MEGF6: variants seen among roughly 807,000 people sequenced by gnomAD.
MEGF6 encodes multiple EGF like domains 6.
A neutral mutation model predicts 207.1 loss-of-function variants in MEGF6; 184 were observed. The observed-to-expected ratio is 0.89, with a 90% confidence interval of 0.79 to 1.00. The LOEUF (loss-of-function observed/expected upper bound fraction) is 1.00, where lower values mean the gene tolerates loss of function less well. Among genes scored for constraint, MEGF6 ranks in the 50% least tolerant of loss-of-function variants. MEGF6 has a pLI of 0.00. For synonymous variants in MEGF6, 1,038 were observed against 910.0 expected (o/e 1.14, Z -2.53); for missense variants, 2,282 against 2,202.9 (o/e 1.04, Z -0.72).
intron 1 of MEGF6, among the ~76,000 whole-genome samples, chr1:3,603,101 C>T (rs1644186686): frequency 1.3e-5 from 2 of 152,208 alleles, no homozygotes; most frequent in Non-Finnish European, 2.9e-5. Flanking sequence ...TCCTATGACC[C>T]ACACTGGTGA....
intron 21 of MEGF6, among the ~76,000 whole-genome samples, 170 bp from the exon 22 acceptor site, chr1:3,500,094 G>A (rs1640792174): frequency 2.0e-5 from 3 of 152,224 alleles, no homozygotes; most frequent in Admixed American, 1.3e-4. Context: ...CCCCACCCAG[G>A]TGGGGCCATG....
At chr1:3,583,186 G>A (rs997108020) in intron 3 of MEGF6, among the ~76,000 whole-genome samples, 6 of 152,122 alleles carry the variant, frequency 3.9e-5, no homozygotes, top group East Asian at 1.9e-4. Flanking sequence ...GCAAAGCTGC[G>A]CTCCAAACCG....
intron 5 of MEGF6, among the ~76,000 whole-genome samples, chr1:3,517,513 G>A (rs367684645): frequency 6.6e-5 from 10 of 152,348 alleles, no homozygotes; most frequent in Admixed American, 4.6e-4. Context: ...CCTGTGCCAC[G>A]GATTCCCGGA....
At chr1:3,569,390 G>T (rs1233679620) in intron 4 of MEGF6, among the ~76,000 whole-genome samples, 2 of 152,252 alleles carry the variant, frequency 1.3e-5, no homozygotes, top group East Asian at 3.8e-4. Flanking sequence ...CTCAAGAACT[G>T]CCAGGGGCTC....
the MEGF6 span, among the ~76,000 whole-genome samples, chr1:3,617,597 AC>A: frequency 6.6e-6 from 1 of 152,144 alleles, no homozygotes; most frequent in African/African-American, 2.4e-5. Context: ...TGTGTCACAA[AC>A]CTGCACATCC....
intron 2 of MEGF6, among the ~76,000 whole-genome samples, chr1:3,598,249 T>C (rs1345054577): frequency 2.6e-5 from 4 of 152,192 alleles, no homozygotes; most frequent in Non-Finnish European, 5.9e-5. Flanking sequence ...CCGGGGCTGC[T>C]GCATGGGAAG....
Position 3,509,163 on chromosome 1 carries a change from C to A in MEGF6, c.1440G>T (p.Glu480Asp). The change falls in exon 12 of 37, where the codon GAG becomes GAT. Residue 480 changes from glutamate (E) to aspartate (D), a missense_variant. Glu to Asp is a conservative substitution (Grantham distance 45). Transcript: ENST00000356575. ...CGTCATCCTGGAAGAGTTGCGGCAG[C>A]TCGTCCTGGAGCACGGCAATGTGGG... ...PLPHIAVLQD[E>D]LPQLFQDDDV... The A allele has an allele frequency of 6.3e-7, 1 of 1,583,906 alleles. No individual in the cohort carries two copies. Among genetic ancestry groups the A allele is most frequent in the Non-Finnish European group, 8.6e-7 (1 of 1,165,812 alleles).
intron 4 of MEGF6, among the ~76,000 whole-genome samples, chr1:3,563,411 G>A (rs1204011482): frequency 1.3e-5 from 2 of 152,142 alleles, no homozygotes; most frequent in Non-Finnish European, 2.9e-5. Flanking sequence ...CCACGCCCCA[G>A]CTATAGGTCC....
At chr1:3,504,664 A>C (rs1641035854) in intron 17 of MEGF6, among the ~76,000 whole-genome samples, 1 of 152,062 alleles carries the variant, frequency 6.6e-6, no homozygotes. Flanking sequence ...GCCAGCTCCT[A>C]ACAGCCTCCT....
At chr1:3,494,295 C>G in intron 32 of MEGF6, 76 bp downstream of exon 32, 4 of 1,488,230 alleles carry the variant, frequency 2.7e-6, no homozygotes, top group Non-Finnish European at 3.6e-6. Context: ...TTCACTGCTG[C>G]CTGGATCACC....
intron 4 of MEGF6, among the ~76,000 whole-genome samples, chr1:3,532,354 G>A (rs1000410084): frequency 3.3e-5 from 5 of 152,326 alleles, no homozygotes; most frequent in East Asian, 3.9e-4. Flanking sequence ...ATCCTTGGTC[G>A]GGGGTCACTG....
At chr1:3,618,994 A>G in the MEGF6 span, among the ~76,000 whole-genome samples, 1 of 152,222 alleles carries the variant, frequency 6.6e-6, no homozygotes, top group Non-Finnish European at 1.5e-5. The surrounding 1 kb of genome is among the most constrained non-coding windows in gnomAD (Gnocchi z 4.7). Context: ...TCGGAGAACA[A>G]GGGCACAGGC....
chr1:3,543,347 G>A lies in MEGF6; in HGVS notation c.482-19101C>T, dbSNP rs115670887. ...GCAACGCGGCCCTTCCCTGCTCTGA[G>A]CAGCCCGAACCCTGCGTTCGTGCTC... On this transcript the variant is annotated intron_variant, in intron 4 of 36. Transcript: ENST00000356575. Among the ~76,000 whole-genome samples, 353 of 152,354 alleles carry A rather than the reference G, an allele frequency of 2.3e-3. 1 individual carries two copies. The highest frequency in any genetic ancestry group is 8.2e-3 in the African/African-American group (341 of 41,584).
rs1395260128 is a variant in MEGF6 at position 3,499,194 on chromosome 1, G to C, written c.3038C>G (p.Pro1013Arg). 3.7e-6 allele frequency: 6 copies of C among 1,604,110 alleles called. No homozygotes were observed. The highest frequency in any genetic ancestry group is 1.7e-5 in the Admixed American group (1 of 58,844). Residue 1013 changes from proline (P) to arginine (R), a missense_variant, in exon 24 of 37, where the codon CCT becomes CGT. By Grantham distance (103) the Pro-to-Arg change is moderately radical. Transcript: ENST00000356575. ...GGCACAGTGGCACTGCCCGTGGACA[G>C]GGTCACAGGAGGCCCCGTTAAAGCA... ...CACFNGASCDPVHGQCHCAPG... is the reference protein window; with the variant it reads ...CACFNGASCDRVHGQCHCAPG...
chr1:3,515,372 G>T, intron 6 of MEGF6, 30 bp downstream of exon 6: 1 of 1,595,290 alleles, frequency 6.3e-7, no homozygotes, highest in South Asian at 1.1e-5. Context: ...TCCACCCCCA[G>T]GTCCTCCCTC....
At chr1:3,538,689 CATGTGCCTGTGTGT>C (rs1642406549) in intron 4 of MEGF6, among the ~76,000 whole-genome samples, 1 of 128,780 alleles carries the variant, frequency 7.8e-6, no homozygotes, top group Non-Finnish European at 1.6e-5. Context: ...GCCAGCAGAG[CATGTGCCTGTGTGT>C]GTGTGTGTGT....
At chr1:3,563,628 G>A (rs1464850182) in intron 4 of MEGF6, among the ~76,000 whole-genome samples, 4 of 152,250 alleles carry the variant, frequency 2.6e-5, no homozygotes, top group Admixed American at 6.5e-5. Context: ...TTTCACTCAT[G>A]AGCTGGGTTT....
Position 3,599,652 on chromosome 1 carries a change from G to A in MEGF6, c.266+2814C>T, listed in dbSNP as rs568077155. On this transcript the variant is annotated intron_variant, in intron 2 of 36. Coordinates refer to ENST00000356575, the MANE Select transcript of MEGF6 (RefSeq NM_001409.4). ...CCCGAGTCACCAGTCACCCAGTCGT[G>A]TGACGGTGGAGGGCCTGGCGGCAGT... Among the ~76,000 whole-genome samples, 3 of 152,356 alleles carry A rather than the reference G, an allele frequency of 2.0e-5. No homozygotes were observed. In the South Asian group the frequency reaches 6.2e-4, roughly 32 times the overall value.
chr1:3,608,269 C>T (rs1644280195), intron 1 of MEGF6, among the ~76,000 whole-genome samples: 1 of 152,140 alleles, frequency 6.6e-6, no homozygotes, highest in South Asian at 2.1e-4. Context: ...GACAAGGAGA[C>T]AATGAACAAT....
Sources: allele counts gnomAD v4.1 joint callset (sites outside exome capture counted in the v4.1 genomes callset), GRCh38; gene constraint gnomAD v4.1.1; non-coding constraint Gnocchi (gnomAD v3.1); transcripts MANE v1.5; gene names NCBI Gene and HGNC (gene_info 2026-07-23, HGNC 2026-07-21).